USP6NL: variants seen among roughly 807,000 people sequenced by gnomAD.
USP6NL encodes USP6 N-terminal like.
In USP6NL, 26 loss-of-function variants were observed where a neutral mutation model predicts 61.9. The observed-to-expected ratio is 0.42, with a 90% CI of 0.31 to 0.58. The LOEUF (loss-of-function observed/expected upper bound fraction) is 0.58. Ranked by LOEUF, USP6NL falls within the 20% of genes least tolerant of loss-of-function variation. The pLI is 0.16. For missense variants in USP6NL, 1,114 were observed against 1,034.3 expected, an observed-to-expected ratio of 1.08 and a Z score of -1.06; for synonymous variants, 432 against 390.1, an observed-to-expected ratio of 1.11 and a Z score of -1.27.
At chr10:11,533,694 T>G (rs1835737508) in intron 2 of USP6NL, among the ~76,000 whole-genome samples, 1 of 152,194 alleles carries the variant, frequency 6.6e-6, no homozygotes, top group South Asian at 2.1e-4. Flanking sequence ...AGAAACTTGA[T>G]TTCAGACTTC....
rs892316174 is a variant in USP6NL at position 11,595,917 on chromosome 10, A to G, written c.4+1714T>C. Among the ~76,000 whole-genome samples the G allele has an allele frequency of 9.2e-5, 14 of 152,226 alleles. No individual in the cohort carries two copies. Among genetic ancestry groups the G allele is most frequent in the Non-Finnish European group, 1.8e-4 (12 of 68,046 alleles). ...AAAGAACCAGTTAAAAATCTTGCAA[A>G]TGAAATATAAATATTACAATTTAAA... On this transcript the variant is annotated intron_variant, in intron 2 of 14. Coordinates refer to ENST00000609104, the MANE Select transcript of USP6NL (RefSeq NM_014688.5). This position sits in a 1 kb window ranked among gnomAD's most constrained non-coding sequence, Gnocchi z 5.3.
intron 4 of USP6NL, among the ~76,000 whole-genome samples, chr10:11,524,770 T>C (rs987938891): frequency 7.2e-5 from 11 of 152,166 alleles, no homozygotes; most frequent in African/African-American, 2.4e-4. Flanking sequence ...TAAAGATGAA[T>C]AGAAGTCTCT....
chr10:11,599,608 T>C (rs576049905), intron 1 of USP6NL, among the ~76,000 whole-genome samples: 3 of 152,328 alleles, frequency 2.0e-5, no homozygotes, highest in South Asian at 2.1e-4. Flanking sequence ...AAATAATGCA[T>C]GTTTTGGAAT....
In USP6NL at chr10:11,511,676, T is replaced by C. The variant is rs1174101131; in HGVS notation, c.196-2001A>G. Among the ~76,000 whole-genome samples the C allele has an allele frequency of 6.6e-6, 1 of 152,138 alleles. No homozygotes were observed. The highest frequency in any genetic ancestry group is 1.9e-4 in the East Asian group (1 of 5,204). ...ATTTTTTTAAAAGCACACTTTTGAA[T>C]TCTAATGCTTATCATATATACAGAT... On this transcript the variant is annotated intron_variant, in intron 5 of 14. Coordinates refer to ENST00000609104, the MANE Select transcript of USP6NL (RefSeq NM_014688.5). The surrounding 1 kb of genome is among the most constrained non-coding windows in gnomAD (Gnocchi z 4.9).
In USP6NL at chr10:11,518,475, T is replaced by A; in HGVS notation, c.195+60A>T. On this transcript the variant is annotated intron_variant, in intron 5 of 14. Coordinates refer to ENST00000609104, the MANE Select transcript of USP6NL (RefSeq NM_014688.5). The surrounding 1 kb of genome is among the most constrained non-coding windows in gnomAD (Gnocchi z 5.3). ...CTTAAAATCACAAAGGTGGTCAATT[T>A]TATTCTTCTAATAAAGGCAATTCAC... 6.8e-7 allele frequency: 1 copy of A among 1,467,968 alleles called. No individual in the cohort carries two copies. Among genetic ancestry groups the A allele is most frequent in the Non-Finnish European group, 9.5e-7 (1 of 1,051,830 alleles). 90.9% of individuals were successfully genotyped at this position (1,467,968 alleles called of 1,614,324 possible).
At chr10:11,564,096 G>A (rs1837037366) in intron 2 of USP6NL, 1 of 152,156 alleles carries the variant, frequency 6.6e-6, no homozygotes, top group South Asian at 2.1e-4. Context: ...AGATGTTCAG[G>A]TAACAGTCAT....
At position 11,596,786 on chromosome 10, in the gene USP6NL, C is replaced by T. The variant is rs1402930583; in HGVS notation, c.4+845G>A. Among the ~76,000 whole-genome samples the T allele has an allele frequency of 6.6e-6, 1 of 152,120 alleles. No individual in the cohort carries two copies. Among genetic ancestry groups the T allele is most frequent in the East Asian group, 1.9e-4 (1 of 5,188 alleles). ...TTAGTAGAAGCACTCCAATATTTTA[C>T]AACAGCAGCGTCATTTTCACTTATC... On this transcript the variant is annotated intron_variant, in intron 2 of 14. Coordinates refer to ENST00000609104, the MANE Select transcript of USP6NL (RefSeq NM_014688.5). This position sits in a 1 kb window ranked among gnomAD's most constrained non-coding sequence, Gnocchi z 4.1.
At position 11,570,000 on chromosome 10, in the gene USP6NL, C is replaced by T. The variant is rs141639762; in HGVS notation, c.4+27631G>A. Among the ~76,000 whole-genome samples, 458 of 152,300 alleles carry T rather than the reference C, an allele frequency of 3.0e-3. 1 individual carries two copies. The highest frequency in any genetic ancestry group is 0.01 in the African/African-American group (421 of 41,556). On this transcript the variant is annotated intron_variant, in intron 2 of 14. Coordinates refer to ENST00000609104, the MANE Select transcript of USP6NL (RefSeq NM_014688.5). ...CCCAACACATTGTGCCCTCTCTTATCTTCATGACTCCTCCTTTGGGATGCT... is the reference window on the plus strand; with the variant it reads ...CCCAACACATTGTGCCCTCTCTTATTTTCATGACTCCTCCTTTGGGATGCT...
chr10:11,559,421 C>G (rs1182285102), intron 2 of USP6NL, among the ~76,000 whole-genome samples: 3 of 152,126 alleles, frequency 2.0e-5, no homozygotes, highest in Non-Finnish European at 4.4e-5. Context: ...CCAAACCATT[C>G]AGTGATTCAA....
In USP6NL at chr10:11,525,292, C is replaced by T; in HGVS notation, c.155+94G>A. On this transcript the variant is annotated intron_variant, in intron 4 of 14. Transcript: ENST00000609104. The surrounding 1 kb of genome is among the most constrained non-coding windows in gnomAD (Gnocchi z 5.0). The stretch of plus-strand genomic sequence containing the variant: ...ATATTGTAAGACTATTCCTTATTCA[C>T]AGCAATTATATTAAAAATAAAGAAA... 2.0e-6 allele frequency: 2 copies of T among 1,020,172 alleles called. No homozygotes were observed. Among genetic ancestry groups the T allele is most frequent in the Non-Finnish European group, 2.8e-6 (2 of 706,466 alleles). The allele number at this position is 1,020,172 out of a possible 1,614,324, so 63.2% of individuals were successfully genotyped here.
At chr10:11,578,475 T>C (rs1837631305) in intron 2 of USP6NL, among the ~76,000 whole-genome samples, 1 of 152,190 alleles carries the variant, frequency 6.6e-6, no homozygotes, top group Non-Finnish European at 1.5e-5. Flanking sequence ...AAGCCTTTTA[T>C]AGATACTCTA....
chr10:11,580,126 T>C (rs1417885778), intron 2 of USP6NL, among the ~76,000 whole-genome samples: 2 of 144,132 alleles, frequency 1.4e-5, no homozygotes, highest in Non-Finnish European at 3.1e-5. Context: ...TAGTGATGAG[T>C]TGACAAACCC....
At position 11,598,383 on chromosome 10, in the gene USP6NL, CCACTT is replaced by C. The variant is rs1336597531; in HGVS notation, c.-83-671_-83-667del. On this transcript the variant is annotated intron_variant, in intron 1 of 14. Transcript: ENST00000609104. The surrounding 1 kb of genome is among the most constrained non-coding windows in gnomAD (Gnocchi z 4.7). Reference sequence around the variant, plus strand: ...CATAAAATTTTGTACTTGTTCCTTTCCACTTAAGAGCATAACATAAAACATCAACT... The same window carrying C: ...CATAAAATTTTGTACTTGTTCCTTTCAAGAGCATAACATAAAACATCAACT... Among the ~76,000 whole-genome samples the C allele has an allele frequency of 1.3e-5, 2 of 152,026 alleles. No homozygotes were observed. Among genetic ancestry groups the C allele is most frequent in the East Asian group, 3.8e-4 (2 of 5,198 alleles).
chr10:11,594,021 AC>A (rs1466174477), intron 2 of USP6NL, among the ~76,000 whole-genome samples: 1 of 152,190 alleles, frequency 6.6e-6, no homozygotes, highest in Admixed American at 6.5e-5. Context: ...CATCATTCCC[AC>A]CCAAATCTAA....
intron 2 of USP6NL, among the ~76,000 whole-genome samples, chr10:11,570,354 G>C (rs1837312659): frequency 6.6e-6 from 1 of 152,124 alleles, no homozygotes; most frequent in Admixed American, 6.5e-5. Flanking sequence ...TAAAATGAAT[G>C]AGGAGGCTAC....
chr10:11,572,364 TAAA>T (rs1262893439), intron 2 of USP6NL, among the ~76,000 whole-genome samples: 1 of 152,028 alleles, frequency 6.6e-6, no homozygotes, highest in Non-Finnish European at 1.5e-5. Flanking sequence ...AAGCAGGAGA[TAAA>T]TAACTGTAAA....
chr10:11,581,316 T>C (rs1837763349), intron 2 of USP6NL, among the ~76,000 whole-genome samples: 1 of 152,244 alleles, frequency 6.6e-6, no homozygotes, highest in Non-Finnish European at 1.5e-5. Flanking sequence ...CTTTTGGAAC[T>C]AACGTGTTTT....
chr10:11,517,576 T>C (rs1042845169), intron 5 of USP6NL, among the ~76,000 whole-genome samples: 2 of 152,220 alleles, frequency 1.3e-5, no homozygotes, highest in African/African-American at 4.8e-5. Context: ...AGGTATTCAT[T>C]TGCTGAAACC....
intron 2 of USP6NL, among the ~76,000 whole-genome samples, chr10:11,542,605 G>T (rs567628068): frequency 2.0e-5 from 3 of 152,160 alleles, no homozygotes. Context: ...TGTAGTGCCA[G>T]CTAGTCAGGA....
Sources: gnomAD v4.1 joint callset for allele counts (sites outside exome capture counted in the v4.1 genomes callset) on GRCh38, gnomAD v4.1.1 for gene constraint, Gnocchi (gnomAD v3.1) non-coding constraint, MANE v1.5 for transcripts, NCBI Gene and HGNC (gene_info 2026-07-23, HGNC 2026-07-21) for gene names.